CNTNAP5: variants seen among roughly 807,000 people sequenced by gnomAD.
CNTNAP5 encodes the protein contactin-associated protein-like 5.
A neutral mutation model predicts 150.2 loss-of-function variants in CNTNAP5; 72 were observed. That is an observed-to-expected ratio of 0.48 (90% CI 0.40 to 0.58). The LOEUF (loss-of-function observed/expected upper bound fraction) is 0.58. CNTNAP5 is among the 20% of genes least tolerant of loss of function. CNTNAP5 has a pLI of 0.00. For synonymous variants in CNTNAP5, 672 were observed against 619.8 expected (o/e 1.08, Z -1.25); for missense variants, 1,636 against 1,626.2 (o/e 1.01, Z -0.10).
At chr2:124,822,673 T>C (rs1191986352) in intron 19 of CNTNAP5, among the ~76,000 whole-genome samples, 1 of 152,222 alleles carries the variant, frequency 6.6e-6, no homozygotes, top group Non-Finnish European at 1.5e-5. Flanking sequence ...AGGCAAACTC[T>C]GAGTCATTTC....
At chr2:124,397,809 C>T (rs2104755095) in intron 3 of CNTNAP5, among the ~76,000 whole-genome samples, 1 of 152,262 alleles carries the variant, frequency 6.6e-6, no homozygotes, top group South Asian at 2.1e-4. Context: ...GTGGTTTCAC[C>T]TTGCACATGC....
intron 19 of CNTNAP5, among the ~76,000 whole-genome samples, chr2:124,835,446 G>A (rs1249727425): frequency 6.6e-6 from 1 of 152,116 alleles, no homozygotes; most frequent in East Asian, 1.9e-4. Flanking sequence ...GCAGAACTTG[G>A]GAAAGGTCCA....
chr2:124,322,482 G>A (rs1689124644), intron 3 of CNTNAP5, among the ~76,000 whole-genome samples: 1 of 152,048 alleles, frequency 6.6e-6, no homozygotes, highest in African/African-American at 2.4e-5. Flanking sequence ...ATACCAGGTA[G>A]GACAGGCATG....
At chr2:124,800,167 C>T (rs1024116152) in intron 19 of CNTNAP5, among the ~76,000 whole-genome samples, 11 of 152,064 alleles carry the variant, frequency 7.2e-5, no homozygotes, top group South Asian at 2.1e-4. Flanking sequence ...CAGCAGCCTC[C>T]GTTCTAAACA....
At chr2:124,284,082 G>A (rs1022189004) in intron 3 of CNTNAP5, among the ~76,000 whole-genome samples, 11 of 152,086 alleles carry the variant, frequency 7.2e-5, no homozygotes, top group African/African-American at 2.7e-4. Context: ...GCGGTGTTTG[G>A]TTTTCTGTTA....
At chr2:124,461,685 A>G (rs1320714552) in intron 6 of CNTNAP5, among the ~76,000 whole-genome samples, 2 of 151,886 alleles carry the variant, frequency 1.3e-5, no homozygotes, top group Non-Finnish European at 2.9e-5. Context: ...AATAATAAAA[A>G]TAAACAATAA....
At chr2:124,797,722 A>G (rs111961093) in intron 18 of CNTNAP5, among the ~76,000 whole-genome samples, 2 of 152,248 alleles carry the variant, frequency 1.3e-5, no homozygotes, top group African/African-American at 4.8e-5. Flanking sequence ...GTGCCAGTGT[A>G]TTTCTCTATG....
intron 3 of CNTNAP5, among the ~76,000 whole-genome samples, chr2:124,345,850 A>C (rs1689725514): frequency 6.6e-6 from 1 of 152,102 alleles, no homozygotes; most frequent in Non-Finnish European, 1.5e-5. Context: ...ACATTTACCC[A>C]AAGCACCAAT....
At chr2:124,271,124 AG>A (rs1403664584) in intron 3 of CNTNAP5, among the ~76,000 whole-genome samples, 1 of 152,168 alleles carries the variant, frequency 6.6e-6, no homozygotes, top group Non-Finnish European at 1.5e-5. Context: ...GATGTGAAAA[AG>A]GTTGGAAACC....
At chr2:124,617,973 A>G (rs1021362505) in intron 12 of CNTNAP5, among the ~76,000 whole-genome samples, 2 of 152,130 alleles carry the variant, frequency 1.3e-5, no homozygotes, top group Non-Finnish European at 2.9e-5. Context: ...GGGCAGGAAC[A>G]AAGGACCAGC....
chr2:124,864,966 A>T (rs1199811309), intron 19 of CNTNAP5, among the ~76,000 whole-genome samples: 1 of 152,132 alleles, frequency 6.6e-6, no homozygotes, highest in Non-Finnish European at 1.5e-5. Context: ...AGTGGTAGGA[A>T]TTGAAGAGAA....
chr2:124,053,964 T>A (rs914082950), intron 1 of CNTNAP5, among the ~76,000 whole-genome samples: 2 of 152,142 alleles, frequency 1.3e-5, no homozygotes, highest in Admixed American at 6.6e-5. Flanking sequence ...TTGGAACCCA[T>A]GCTGAGGAAT....
At chr2:124,845,668 G>C (rs1405517458) in intron 19 of CNTNAP5, among the ~76,000 whole-genome samples, 2 of 152,062 alleles carry the variant, frequency 1.3e-5, no homozygotes, top group East Asian at 3.9e-4. Context: ...CTCACTGCTT[G>C]TTATTGGTCT....
chr2:124,610,788 G>A (rs904825218), intron 12 of CNTNAP5, among the ~76,000 whole-genome samples: 5 of 152,036 alleles, frequency 3.3e-5, no homozygotes, highest in Admixed American at 2.0e-4. Context: ...GTGAAACCCT[G>A]TCTCTACTAA....
intron 3 of CNTNAP5, among the ~76,000 whole-genome samples, chr2:124,242,632 T>C (rs1271267760): frequency 6.6e-6 from 1 of 152,156 alleles, no homozygotes; most frequent in Non-Finnish European, 1.5e-5. Flanking sequence ...AACTGGGTAA[T>C]TCACTGACTG....
At chr2:124,781,939 A>G (rs956196538) in intron 17 of CNTNAP5, among the ~76,000 whole-genome samples, 4 of 152,226 alleles carry the variant, frequency 2.6e-5, no homozygotes, top group Non-Finnish European at 5.9e-5. Context: ...TCAGGCTGAC[A>G]AGGTCTTACC....
At chr2:124,631,257 G>T (rs536896394) in intron 12 of CNTNAP5, among the ~76,000 whole-genome samples, 31 of 151,954 alleles carry the variant, frequency 2.0e-4, no homozygotes, top group African/African-American at 7.2e-4. Context: ...AAAAAAGCTC[G>T]CATAGCCAAG....
chr2:124,850,631 A>C (rs1278542159), intron 19 of CNTNAP5, among the ~76,000 whole-genome samples: 1 of 152,238 alleles, frequency 6.6e-6, no homozygotes, highest in Non-Finnish European at 1.5e-5. Context: ...GAACCACAGC[A>C]CTGGATGAGA....
At chr2:124,767,947 C>T (rs1681101644) in intron 16 of CNTNAP5, among the ~76,000 whole-genome samples, 1 of 152,186 alleles carries the variant, frequency 6.6e-6, no homozygotes, top group African/African-American at 2.4e-5. Flanking sequence ...GAGCAATCCT[C>T]CTGAGAGGCC....
Sources: gnomAD v4.1 joint callset for allele counts (sites outside exome capture counted in the v4.1 genomes callset) on GRCh38, gnomAD v4.1.1 for gene constraint, MANE v1.5 for transcripts, NCBI Gene and HGNC (gene_info 2026-07-23, HGNC 2026-07-21) for gene names.